Variants in GNAL observed in about 807,000 individuals in gnomAD.
The protein encoded by GNAL is G protein subunit alpha L.
GNAL carries 18 observed loss-of-function variants against 55.1 expected under a neutral mutation model. That is an observed-to-expected ratio of 0.33 (90% confidence interval 0.23 to 0.48). The LOEUF (loss-of-function observed/expected upper bound fraction) is 0.48. Among genes scored for constraint, GNAL ranks in the 20% least tolerant of loss-of-function variants. The pLI, the probability that GNAL is intolerant of heterozygous loss-of-function variation, is 0.99. For missense variants in GNAL, 412 were observed against 614.1 expected (o/e 0.67, Z 3.48); for synonymous variants, 253 against 237.0 (o/e 1.07, Z -0.62).
chr18:11,806,239 A>T (rs1297610225), intron 4 of GNAL, among the ~76,000 whole-genome samples: 2 of 152,170 alleles, frequency 1.3e-5, no homozygotes, highest in Non-Finnish European at 2.9e-5. Flanking sequence ...AATTCTGGAC[A>T]TAGTCCCCTG....
intron 4 of GNAL, chr18:11,811,575 CA>C (rs1367571716): frequency 2.0e-5 from 3 of 152,318 alleles, no homozygotes; most frequent in African/African-American, 7.2e-5. Flanking sequence ...AATCTATGCT[CA>C]AATTGCCATA....
At chr18:11,880,203 G>C (rs536332794) in intron 11 of GNAL, among the ~76,000 whole-genome samples, 1 of 151,390 alleles carries the variant, frequency 6.6e-6, no homozygotes, top group Non-Finnish European at 1.5e-5. Context: ...GTTGCAGTGA[G>C]CCGAGATGGC....
At chr18:11,727,252 G>A (rs114601624) in intron 1 of GNAL, among the ~76,000 whole-genome samples, 1,925 of 152,308 alleles carry the variant, frequency 0.013, 40 homozygotes, top group African/African-American at 0.043. Flanking sequence ...CCATCTGGGC[G>A]GAGCCGCAGG....
At chr18:11,722,117 T>C in intron 1 of GNAL, among the ~76,000 whole-genome samples, 1 of 152,144 alleles carries the variant, frequency 6.6e-6, no homozygotes, top group Non-Finnish European at 1.5e-5. Flanking sequence ...TGACAAATAA[T>C]GTTGTTCCCA....
chr18:11,877,450 G>A (rs542047672), intron 11 of GNAL, among the ~76,000 whole-genome samples: 3 of 151,854 alleles, frequency 2.0e-5, no homozygotes, highest in South Asian at 4.2e-4. Context: ...GCGAGACTCT[G>A]TCTCAAACAA....
chr18:11,842,568 C>T (rs150706105), intron 5 of GNAL, among the ~76,000 whole-genome samples: 1 of 152,076 alleles, frequency 6.6e-6, no homozygotes, highest in Non-Finnish European at 1.5e-5. Flanking sequence ...AGTGACAGAT[C>T]ATCAGGCATT....
rs562560005 is a variant in GNAL at position 11,867,369 on chromosome 18, AC to A, written c.910+144del. On this transcript the variant is annotated intron_variant, in intron 8 of 11. Coordinates refer to ENST00000334049, the MANE Select transcript of GNAL (RefSeq NM_182978.4). ...AGATTATGATGCTCCTTCCTTAGAT[AC>A]TAATCTCATTAAAAAAAGCATTTAA... 59 of 664,858 alleles carry A rather than the reference AC, an allele frequency of 8.9e-5. No homozygotes were observed. In the East Asian group the frequency reaches 1.7e-3, roughly 19 times the overall value. 41.2% of individuals were successfully genotyped at this position (664,858 alleles called of 1,614,324 possible).
intron 4 of GNAL, among the ~76,000 whole-genome samples, chr18:11,817,309 C>T (rs1371436331): frequency 6.6e-6 from 1 of 152,144 alleles, no homozygotes; most frequent in Non-Finnish European, 1.5e-5. Context: ...CAGGTTTGAC[C>T]ACTTCCTAGT....
intron 1 of GNAL, among the ~76,000 whole-genome samples, chr18:11,701,118 C>T (rs1399295870): frequency 6.6e-6 from 1 of 152,116 alleles, no homozygotes; most frequent in Admixed American, 6.6e-5. Flanking sequence ...AATACCAGTC[C>T]GAGCCTGCAC....
intron 4 of GNAL, among the ~76,000 whole-genome samples, chr18:11,806,128 T>G (rs1205060387): frequency 6.6e-6 from 1 of 152,248 alleles, no homozygotes; most frequent in African/African-American, 2.4e-5. Context: ...ATATGCTTGT[T>G]GGCCATTTGT....
At chr18:11,692,684 G>C (rs2031287534) in intron 1 of GNAL, among the ~76,000 whole-genome samples, 1 of 151,994 alleles carries the variant, frequency 6.6e-6, no homozygotes, top group Non-Finnish European at 1.5e-5. Context: ...TGAGAAGCTG[G>C]GGCTGGTGGA....
chr18:11,774,084 C>T (rs2033711154), intron 4 of GNAL, among the ~76,000 whole-genome samples: 3 of 152,166 alleles, frequency 2.0e-5, no homozygotes, highest in South Asian at 4.1e-4. Flanking sequence ...CCTGACACAC[C>T]TTAAACATTC....
intron 5 of GNAL, chr18:11,851,985 T>A (rs1308250707): frequency 6.2e-7 from 1 of 1,613,712 alleles, no homozygotes; most frequent in Non-Finnish European, 8.5e-7. Context: ...AAATGGCAGA[T>A]GAGGCGGGCC....
chr18:11,733,810 G>T (rs967887418), intron 1 of GNAL, among the ~76,000 whole-genome samples: 2 of 150,468 alleles, frequency 1.3e-5, no homozygotes, highest in African/African-American at 4.9e-5. Context: ...TTCAAGTGAT[G>T]CCTACACTAT....
At chr18:11,815,623 A>G (rs1312883418) in intron 4 of GNAL, among the ~76,000 whole-genome samples, 2 of 152,194 alleles carry the variant, frequency 1.3e-5, no homozygotes, top group African/African-American at 2.4e-5. Context: ...TTACAATTCA[A>G]CATGAGATTT....
chr18:11,746,127 G>A, intron 1 of GNAL: 1 of 540,058 alleles, frequency 1.9e-6, no homozygotes, highest in Non-Finnish European at 3.7e-6. Flanking sequence ...GGAGCCTTTT[G>A]TTCTGGGACA....
chr18:11,821,587 A>T (rs1036028887), intron 4 of GNAL, among the ~76,000 whole-genome samples: 4 of 152,148 alleles, frequency 2.6e-5, no homozygotes, highest in African/African-American at 9.7e-5. Context: ...AATTAACGCA[A>T]AATGAGAAAG....
At chr18:11,805,975 A>T (rs1262641789) in intron 4 of GNAL, among the ~76,000 whole-genome samples, 1 of 152,210 alleles carries the variant, frequency 6.6e-6, no homozygotes, top group Non-Finnish European at 1.5e-5. Flanking sequence ...AACAATGTAT[A>T]AGTGTCCCTT....
At chr18:11,761,171 C>A (rs1233092724) in intron 4 of GNAL, among the ~76,000 whole-genome samples, 1 of 152,152 alleles carries the variant, frequency 6.6e-6, no homozygotes, top group African/African-American at 2.4e-5. Flanking sequence ...CACGGGGAGT[C>A]AGTCGCACCC....
Sources: allele counts gnomAD v4.1 joint callset (sites outside exome capture counted in the v4.1 genomes callset), GRCh38; gene constraint gnomAD v4.1.1; transcripts MANE v1.5; gene names NCBI Gene and HGNC (gene_info 2026-07-23, HGNC 2026-07-21).